The following CPSF3 variants were observed in gnomAD, a reference collection of about 807,000 sequenced individuals.
CPSF3 encodes the protein cleavage and polyadenylation specific factor 3, also known as cleavage and polyadenylation specificity factor subunit 3.
In CPSF3, 57 loss-of-function variants were observed where a neutral mutation model predicts 84.1. The ratio of observed to expected loss-of-function variants is 0.68; its 90% CI spans 0.55 to 0.85. The LOEUF (loss-of-function observed/expected upper bound fraction) is 0.85. Among genes scored for constraint, CPSF3 ranks in the 40% least tolerant of loss-of-function variants. The probability of loss-of-function intolerance (pLI) is 0.00; values close to 1 mark genes in which losing one functional copy is unlikely to be tolerated. For synonymous variants in CPSF3, 275 were observed against 278.1 expected, an observed-to-expected ratio of 0.99 and a Z score of 0.11; for missense variants, 522 against 838.8, an observed-to-expected ratio of 0.62 and a Z score of 4.66.
chr2:9,452,746 C>T (rs962661172), intron 11 of CPSF3, among the ~76,000 whole-genome samples, 167 bp from the exon 12 acceptor site: 1 of 152,214 alleles, frequency 6.6e-6, no homozygotes, highest in Non-Finnish European at 1.5e-5. Flanking sequence ...AATGCAACTG[C>T]CCTCATCATA....
At chr2:9,426,348 C>T (rs561941617) in intron 1 of CPSF3, among the ~76,000 whole-genome samples, 2 of 152,294 alleles carry the variant, frequency 1.3e-5, no homozygotes, top group East Asian at 1.9e-4. Context: ...AAGGAGCCAA[C>T]CACATCAATA....
intron 11 of CPSF3, among the ~76,000 whole-genome samples, chr2:9,450,792 A>T (rs1288806771): frequency 6.6e-6 from 1 of 152,214 alleles, no homozygotes; most frequent in Non-Finnish European, 1.5e-5. Context: ...CGTCTTAAAA[A>T]AGCAACTTTA....
chr2:9,450,182 T>C (rs1005637182), intron 11 of CPSF3, among the ~76,000 whole-genome samples: 2 of 149,836 alleles, frequency 1.3e-5, no homozygotes, highest in Admixed American at 1.3e-4. Context: ...GAAGGAGTCT[T>C]GCTCTGTCGC....
At chr2:9,467,558 G>A in intron 15 of CPSF3, 149 bp from the exon 16 acceptor site, 1 of 489,866 alleles carries the variant, frequency 2.0e-6, no homozygotes, top group Non-Finnish European at 3.5e-6. Context: ...CCTTTAGCAG[G>A]CAAATAATAC....
intron 1 of CPSF3, 85 bp downstream of exon 1, chr2:9,423,908 G>A: frequency 3.2e-6 from 5 of 1,557,472 alleles, no homozygotes; most frequent in Non-Finnish European, 4.3e-6. Flanking sequence ...TCCGTCGCCC[G>A]CGCTCCCACC....
intron 6 of CPSF3, among the ~76,000 whole-genome samples, chr2:9,434,276 C>G (rs1023638746): frequency 6.6e-6 from 1 of 150,728 alleles, no homozygotes; most frequent in East Asian, 2.0e-4. Context: ...GGCTGAGGCA[C>G]AAGAATCACT....
chr2:9,466,392 GCA>G lies in CPSF3; in HGVS notation c.1787-1307_1787-1306del, dbSNP rs544766741. 4.0e-3 allele frequency among the ~76,000 whole-genome samples: 576 copies of G among 143,582 alleles called. 2 individuals carry two copies. The highest frequency in any genetic ancestry group is 0.018 in the Middle Eastern group (5 of 274). The allele number at this position is 143,582 out of a possible 152,430, so 94.2% of individuals were successfully genotyped here. ...CACACCCACGCACTCGCACACACGC[GCA>G]CACACACGCACGCGCACACACGCAC... On this transcript the variant is annotated intron_variant, in intron 15 of 17. Transcript: ENST00000238112.
intron 14 of CPSF3, 120 bp downstream of exon 14, chr2:9,457,147 A>ATGTGTGTGTGTGTGTG (rs70948817): frequency 6.6e-5 from 22 of 334,032 alleles, no homozygotes; most frequent in African/African-American, 2.7e-4. Context: ...TGGAAAGTAT[A>ATGTGTGTGTGTGTGTG]TGTGTGTGTG....
chr2:9,450,070 T>TA (rs1558458544), intron 11 of CPSF3, among the ~76,000 whole-genome samples: 1 of 151,842 alleles, frequency 6.6e-6, no homozygotes, highest in Non-Finnish European at 1.5e-5. Context: ...ATTCATGACT[T>TA]ACTGCAGCCT....
At chr2:9,424,087 G>T in intron 1 of CPSF3, 1 of 1,221,078 alleles carries the variant, frequency 8.2e-7, no homozygotes, top group East Asian at 3.8e-5. Flanking sequence ...AGTTTTACGG[G>T]GCCACCGCTC....
rs146921599 is a variant in CPSF3, at chr2:9,442,740, T to C, written c.1095+764T>C. 8.6e-5 allele frequency among the ~76,000 whole-genome samples: 13 copies of C among 151,982 alleles called. No individual in the cohort carries two copies. In the East Asian group the frequency reaches 2.3e-3, roughly 27 times the overall value. On this transcript the variant is annotated intron_variant, in intron 9 of 17. Transcript: ENST00000238112. Reference sequence around the variant, plus strand: ...GGTGGCGTATGCCTGTAATCCCAGCTACTCGGGAGGCTGAGGCAGGGAGAA... The same window carrying C: ...GGTGGCGTATGCCTGTAATCCCAGCCACTCGGGAGGCTGAGGCAGGGAGAA...
intron 7 of CPSF3, among the ~76,000 whole-genome samples, chr2:9,439,138 T>G (rs1680881400): frequency 6.6e-6 from 1 of 152,208 alleles, no homozygotes; most frequent in Non-Finnish European, 1.5e-5. Context: ...ACAGAAAGTC[T>G]TTGTCCTCAT....
At chr2:9,455,400 C>G (rs1681489880) in intron 12 of CPSF3, among the ~76,000 whole-genome samples, 2 of 152,112 alleles carry the variant, frequency 1.3e-5, no homozygotes, top group African/African-American at 4.8e-5. Context: ...TCCCAAAGTG[C>G]TGGGATTACA....
intron 16 of CPSF3, 111 bp from the exon 17 acceptor site, chr2:9,471,232 A>T (rs1179673918): frequency 1.5e-6 from 1 of 665,714 alleles, no homozygotes; most frequent in Non-Finnish European, 2.7e-6. Context: ...AAAGAAAAAA[A>T]GTAAATACAG....
chr2:9,467,197 G>C (rs1275596747), intron 15 of CPSF3, among the ~76,000 whole-genome samples: 2 of 152,112 alleles, frequency 1.3e-5, no homozygotes, highest in Non-Finnish European at 2.9e-5. Flanking sequence ...TGTCAGATTT[G>C]TTTTGGAAGG....
At chr2:9,466,433 C>T (rs181327016) in intron 15 of CPSF3, among the ~76,000 whole-genome samples, 11 of 148,446 alleles carry the variant, frequency 7.4e-5, no homozygotes, top group East Asian at 5.8e-4. Context: ...CGCACACACG[C>T]GCACACACAC....
At chr2:9,458,839 G>A (rs529496649) in intron 14 of CPSF3, among the ~76,000 whole-genome samples, 38 of 151,822 alleles carry the variant, frequency 2.5e-4, no homozygotes, top group African/African-American at 5.6e-4. Context: ...TTGGCCGGGC[G>A]CGGTGGCTCA....
intron 15 of CPSF3, 100 bp downstream of exon 15, chr2:9,459,718 C>T (rs2124857197): frequency 7.3e-6 from 4 of 550,282 alleles, no homozygotes; most frequent in Non-Finnish European, 1.2e-5. Flanking sequence ...GGCACGATCT[C>T]AGCTCACTGC....
At chr2:9,431,526 C>T (rs10190822) in intron 4 of CPSF3, among the ~76,000 whole-genome samples, 82,527 of 141,526 alleles carry the variant, frequency 0.58, 25,974 homozygotes, top group African/African-American at 0.75. Context: ...AATAAATATA[C>T]ATATTTTTTT....
Sources: allele counts gnomAD v4.1 joint callset (sites outside exome capture counted in the v4.1 genomes callset), GRCh38; gene constraint gnomAD v4.1.1; transcripts MANE v1.5; gene names NCBI Gene and HGNC (gene_info 2026-07-23, HGNC 2026-07-21).